The following HYDIN variants were observed in gnomAD, a reference collection of about 807,000 sequenced individuals.
The protein encoded by HYDIN is axonemal central pair apparatus protein HYDIN.
In HYDIN, 132 loss-of-function variants were observed where a neutral mutation model predicts 403.9. The ratio of observed to expected loss-of-function variants is 0.33; its 90% confidence interval spans 0.28 to 0.38. HYDIN has a LOEUF of 0.38. HYDIN is among the 10% of genes least tolerant of loss of function. The pLI is 1.00. For synonymous variants in HYDIN, 1,202 were observed against 1,891.7 expected (o/e 0.64, Z 9.46); for missense variants, 2,827 against 5,009.5 (o/e 0.56, Z 13.15).
At chr16:71,045,239 T>G (rs1017898998) in intron 18 of HYDIN, among the ~76,000 whole-genome samples, 1 of 152,206 alleles carries the variant, frequency 6.6e-6, no homozygotes, top group Non-Finnish European at 1.5e-5. Context: ...TTTTGTGTTG[T>G]CACTAGCTTT....
rs1295995568 is a variant in HYDIN at position 70,938,614 on chromosome 16, C to G, written c.6995G>C (p.Arg2332Thr). Residue 2332 changes from arginine to threonine, a missense_variant and splice_region_variant, in exon 44 of 86, where the codon AGG becomes ACG. Transcript: ENST00000393567. ...IQQALRERKK[R>T]EQERLAKEMQ... ...GCTCTGGCCAGCCCTTGGCCCTGAC[C>G]TCTTCTTCCGCTCGCGGAGCGCCTG... The G allele has an allele frequency of 6.3e-7, 1 of 1,589,464 alleles. No homozygotes were observed. Among genetic ancestry groups the G allele is most frequent in the African/African-American group, 1.3e-5 (1 of 74,676 alleles).
chr16:71,184,976 C>T lies in HYDIN; in HGVS notation c.150G>A (p.Glu50=), dbSNP rs754742870. The T allele has an allele frequency of 1.9e-6, 3 of 1,607,926 alleles. No individual in the cohort carries two copies. The African/African-American group carries it at 4.0e-5, about 22-fold the overall frequency. The change falls in exon 3 of 86, where the codon GAG becomes GAA. Residue 50 remains glutamate (E), a synonymous_variant. Transcript: ENST00000393567. ...EEVNRMLTPS[E]FLKEMSLTTE... is the part of the protein sequence containing the mutation. ...TGGTCAGGGACATTTCCTTCAGGAA[C>T]TCTGAGGGTGTAAGCTAGAATGTAA...
At position 70,891,436 on chromosome 16, in the gene HYDIN, G is replaced by A. The variant is rs1231168573; in HGVS notation, c.9656+210C>T. Among the ~76,000 whole-genome samples, 18 of 152,356 alleles carry A rather than the reference G, an allele frequency of 1.2e-4. 1 individual carries two copies. Among genetic ancestry groups the A allele is most frequent in the Admixed American group, 1.1e-3 (17 of 15,304 alleles). On this transcript the variant is annotated intron_variant, in intron 57 of 85. Coordinates refer to ENST00000393567, the MANE Select transcript of HYDIN (RefSeq NM_001270974.2). Reference sequence around the variant, plus strand: ...CCTCCTGATCTCAGGTGATCTGCCCGCCTTGGCCTCCCAAAGCGCTGCGAT... The same window carrying A: ...CCTCCTGATCTCAGGTGATCTGCCCACCTTGGCCTCCCAAAGCGCTGCGAT...
intron 75 of HYDIN, among the ~76,000 whole-genome samples, chr16:70,841,040 TAAAC>T: frequency 1.3e-5 from 2 of 152,138 alleles, no homozygotes; most frequent in East Asian, 3.9e-4. Context: ...AACAGTAGAA[TAAAC>T]ATTCATTTTA....
In HYDIN at chr16:70,904,478, C is replaced by CTTTTTTTTTTTTTTTTTTT. The variant is rs76148650; in HGVS notation, c.8517-433_8517-415dup. 2.8e-4 allele frequency among the ~76,000 whole-genome samples: 7 copies of CTTTTTTTTTTTTTTTTTTT among 25,218 alleles called. 3 individuals are homozygous for CTTTTTTTTTTTTTTTTTTT. Among genetic ancestry groups the CTTTTTTTTTTTTTTTTTTT allele is most frequent in the Non-Finnish European group, 5.7e-4 (6 of 10,478 alleles). The allele number at this position is 25,218 out of a possible 152,430, so 16.5% of individuals were successfully genotyped here. A position where few individuals can be genotyped will look rare whatever the true frequency, so the allele number is the denominator to read the frequency against. On this transcript the variant is annotated intron_variant, in intron 50 of 85. Transcript: ENST00000393567. The stretch of plus-strand genomic sequence containing the variant: ...CTGAGAGAGATTATCACTTGAGTAA[C>CTTTTTTTTTTTTTTTTTTT]TTTTTTTTTTTTTTTTTTTTTTTTT...
chr16:70,812,300 G>T (rs537449512), intron 84 of HYDIN, among the ~76,000 whole-genome samples: 34 of 145,660 alleles, frequency 2.3e-4, no homozygotes, highest in African/African-American at 8.2e-4. Context: ...GACCAGCCTG[G>T]CCAACATGGT....
At position 70,884,018 on chromosome 16, in the gene HYDIN, T is replaced by G. The variant is rs1448275934; in HGVS notation, c.9881A>C (p.Lys3294Thr). Residue 3294 changes from lysine to threonine, a missense_variant, in exon 59 of 86, where the codon AAG (lysine) becomes ACG (threonine). Physicochemically the swap from Lys to Thr is moderately conservative, Grantham distance 78 (BLOSUM62 -1). Coordinates refer to ENST00000393567, the MANE Select transcript of HYDIN (RefSeq NM_001270974.2). The stretch of plus-strand genomic sequence containing the variant: ...ATCGATGGCTATAAACTCCTCACAC[T>G]TTCCCATGGCGTCAGCCACACAGTC... ...NVDCVADAMG[K>T]CEEFIAIDIS... is the part of the protein sequence containing the mutation. 1 of 1,614,186 alleles carries G rather than the reference T, an allele frequency of 6.2e-7. No individual in the cohort carries two copies. Among genetic ancestry groups the G allele is most frequent in the South Asian group, 1.1e-5 (1 of 91,084 alleles).
chr16:70,914,151 A>G (rs2076771706), intron 47 of HYDIN, among the ~76,000 whole-genome samples: 2 of 152,102 alleles, frequency 1.3e-5, no homozygotes, highest in Middle Eastern at 3.4e-3. Flanking sequence ...GTACCATTCC[A>G]TTAATTGTGC....
intron 16 of HYDIN, chr16:71,062,692 GCC>G (rs1262760503): frequency 6.3e-6 from 1 of 159,912 alleles, no homozygotes; most frequent in Non-Finnish European, 1.4e-5. Flanking sequence ...CCACTCCCTT[GCC>G]CTTTGTGCTC....
chr16:70,936,665 C>G (rs1302743361), intron 44 of HYDIN, among the ~76,000 whole-genome samples: 3 of 151,598 alleles, frequency 2.0e-5, no homozygotes, highest in Non-Finnish European at 4.4e-5. Context: ...TCCTGAGTAG[C>G]TAGGATTACA....
At chr16:70,978,867 C>T in intron 30 of HYDIN, 47 bp downstream of exon 30, 1 of 1,521,016 alleles carries the variant, frequency 6.6e-7, no homozygotes, top group South Asian at 1.2e-5. Flanking sequence ...ACTCTGCACG[C>T]ACCACCCTCC....
At chr16:70,808,191 A>C in intron 85 of HYDIN, 129 bp from the exon 86 acceptor site, 2 of 1,085,470 alleles carry the variant, frequency 1.8e-6, no homozygotes, top group East Asian at 2.4e-5. Flanking sequence ...GGAATGTTAT[A>C]AAGTTGTGTC....
chr16:71,116,093 C>T lies in HYDIN; in HGVS notation c.1228-298G>A, dbSNP rs1433490061. On this transcript the variant is annotated intron_variant, in intron 9 of 85. Coordinates refer to ENST00000393567, the MANE Select transcript of HYDIN (RefSeq NM_001270974.2). ...ATTATTATTAACTATAGTCACCATG[C>T]ACTACATTAGGTCTCCAGAACTTAT... Among the ~76,000 whole-genome samples, 6 of 152,214 alleles carry T rather than the reference C, an allele frequency of 3.9e-5. No homozygotes were observed. In the South Asian group the frequency reaches 1.0e-3, roughly 26 times the overall value.
intron 58 of HYDIN, among the ~76,000 whole-genome samples, chr16:70,884,918 CACAT>C (rs2041041106): frequency 6.6e-6 from 1 of 152,188 alleles, no homozygotes; most frequent in Non-Finnish European, 1.5e-5. Context: ...CTCAGAGATC[CACAT>C]TTCCTCTGGA....
At chr16:70,913,055 A>G (rs893724983) in intron 47 of HYDIN, among the ~76,000 whole-genome samples, 4 of 151,616 alleles carry the variant, frequency 2.6e-5, no homozygotes, top group African/African-American at 9.7e-5. Context: ...TGGTCTATCA[A>G]TTTTATTTAT....
chr16:70,992,217 A>G lies in HYDIN; in HGVS notation c.3645-7T>C. 1 of 1,564,304 alleles carries G rather than the reference A, an allele frequency of 6.4e-7. No individual in the cohort carries two copies. Among genetic ancestry groups the G allele is most frequent in the Non-Finnish European group, 8.6e-7 (1 of 1,157,560 alleles). ...CTTCGGCAATGTCACAAACCTACCA[A>G]AGCATGGGACAGGGAATAGGGGGAG... On this transcript the variant is annotated splice_region_variant and splice_polypyrimidine_tract_variant and intron_variant, in intron 23 of 85. Coordinates refer to ENST00000393567, the MANE Select transcript of HYDIN (RefSeq NM_001270974.2).
chr16:71,163,888 C>T (rs2086116819), intron 5 of HYDIN, among the ~76,000 whole-genome samples: 2 of 152,094 alleles, frequency 1.3e-5, no homozygotes, highest in South Asian at 2.1e-4. Flanking sequence ...CTAACTGATG[C>T]GTAAGTCAGT....
At chr16:71,220,069 C>G (rs1019240960) in intron 1 of HYDIN, among the ~76,000 whole-genome samples, 1 of 152,254 alleles carries the variant, frequency 6.6e-6, no homozygotes, top group African/African-American at 2.4e-5. Context: ...GCTATGAACA[C>G]TATCCCCCAG....
intron 31 of HYDIN, among the ~76,000 whole-genome samples, 170 bp downstream of exon 31, chr16:70,974,966 T>C (rs1309925768): frequency 6.6e-6 from 1 of 152,096 alleles, no homozygotes; most frequent in Non-Finnish European, 1.5e-5. Flanking sequence ...GGCAGAAAGC[T>C]GCCCAGTTGG....
Sources: allele counts gnomAD v4.1 joint callset (sites outside exome capture counted in the v4.1 genomes callset), GRCh38; gene constraint gnomAD v4.1.1; transcripts MANE v1.5; gene names NCBI Gene and HGNC (gene_info 2026-07-23, HGNC 2026-07-21).